The following RAB3GAP2 variants were observed in gnomAD, a reference collection of about 807,000 sequenced individuals.
RAB3GAP2 encodes the protein rab3 GTPase-activating protein non-catalytic subunit.
In RAB3GAP2, 87 loss-of-function variants were observed where a neutral mutation model predicts 185.3. The observed-to-expected ratio is 0.47, with a 90% confidence interval of 0.39 to 0.56. The LOEUF (loss-of-function observed/expected upper bound fraction) is 0.56, where lower values mean the gene tolerates loss of function less well. RAB3GAP2 is among the 20% of genes least tolerant of loss of function. The probability of loss-of-function intolerance (pLI) is 0.00; values close to 1 mark genes in which losing one functional copy is unlikely to be tolerated. For synonymous variants in RAB3GAP2, 554 were observed against 576.1 expected, an observed-to-expected ratio of 0.96 and a Z score of 0.55; for missense variants, 1,492 against 1,638.2, an observed-to-expected ratio of 0.91 and a Z score of 1.54.
chr1:220,171,702 G>A (rs1453565011), intron 23 of RAB3GAP2, among the ~76,000 whole-genome samples, 187 bp downstream of exon 23: 1 of 152,072 alleles, frequency 6.6e-6, no homozygotes, highest in Non-Finnish European at 1.5e-5. Context: ...AAACACAGTA[G>A]GACACTGCCA....
chr1:220,196,117 T>G (rs1170728436), intron 10 of RAB3GAP2, 133 bp downstream of exon 10: 3 of 994,072 alleles, frequency 3.0e-6, no homozygotes, highest in Non-Finnish European at 4.6e-6. Context: ...TTGAGATTAA[T>G]TTTAGTTTCA....
intron 21 of RAB3GAP2, among the ~76,000 whole-genome samples, chr1:220,181,657 T>C (rs1346451982): frequency 1.3e-5 from 2 of 152,200 alleles, no homozygotes; most frequent in Admixed American, 6.5e-5. Flanking sequence ...GACAGTTTTT[T>C]ACTGATGATC....
intron 24 of RAB3GAP2, among the ~76,000 whole-genome samples, chr1:220,170,355 G>T (rs553740104): frequency 1.3e-5 from 2 of 151,820 alleles, no homozygotes; most frequent in East Asian, 1.9e-4. Context: ...ACCATGGCAC[G>T]TGTATACCTA....
intron 1 of RAB3GAP2, chr1:220,266,153 AAG>A (rs1010279475): frequency 1.2e-5 from 2 of 161,798 alleles, no homozygotes; most frequent in Admixed American, 5.8e-5. Context: ...TCAAATATAG[AAG>A]AGAGTGGTAT....
In RAB3GAP2 at chr1:220,195,352, T is replaced by C; in HGVS notation, c.986A>G (p.His329Arg). The C allele has an allele frequency of 6.2e-7, 1 of 1,613,158 alleles. No homozygotes were observed. Among genetic ancestry groups the C allele is most frequent in the Non-Finnish European group, 8.5e-7 (1 of 1,179,176 alleles). The change falls in exon 11 of 35, where the codon CAT becomes CGT. Residue 329 changes from histidine to arginine, a missense_variant. Coordinates refer to ENST00000358951, the MANE Select transcript of RAB3GAP2 (RefSeq NM_012414.4). ...LEGSTQPLLSHVALAVASKLT... is the reference protein window; with the variant it reads ...LEGSTQPLLSRVALAVASKLT... Reference sequence around the variant, plus strand: ...TTTACTTGCAACTGCTAGTGCAACATGGGATAATAATGGTTGTGTGCTTCC... The same window carrying C: ...TTTACTTGCAACTGCTAGTGCAACACGGGATAATAATGGTTGTGTGCTTCC...
chr1:220,267,477 A>C, intron 1 of RAB3GAP2: 1 of 1,405,686 alleles, frequency 7.1e-7, no homozygotes, highest in Non-Finnish European at 1.0e-6. Context: ...TTGCCAAATA[A>C]ACATTACCAA....
intron 7 of RAB3GAP2, among the ~76,000 whole-genome samples, chr1:220,209,750 A>G (rs1659043761): frequency 6.6e-6 from 1 of 152,204 alleles, no homozygotes. Context: ...AGTACAACAA[A>G]GGGAAGGCAT....
chr1:220,267,538 T>C, intron 1 of RAB3GAP2: 1 of 1,357,888 alleles, frequency 7.4e-7, no homozygotes, highest in Non-Finnish European at 1.0e-6. Flanking sequence ...CAAAGCCCAT[T>C]GCCTCTTTTT....
chr1:220,150,206 T>C lies in RAB3GAP2; in HGVS notation c.*1045A>G, dbSNP rs1050730721. On this transcript the variant is annotated 3_prime_UTR_variant, in exon 35 of 35. Coordinates refer to ENST00000358951, the MANE Select transcript of RAB3GAP2 (RefSeq NM_012414.4). ...CCTCCTCCAGCCTCCCGAGTAGCTA[T>C]AGTTTGGTTTTAATCAGTAAATATT... 2 of 150,910 alleles carry C rather than the reference T, an allele frequency of 1.3e-5. No individual in the cohort carries two copies. Among genetic ancestry groups the C allele is most frequent in the Non-Finnish European group, 3.0e-5 (2 of 67,782 alleles). 9.3% of individuals were successfully genotyped at this position (150,910 alleles called of 1,614,324 possible).
intron 1 of RAB3GAP2, among the ~76,000 whole-genome samples, chr1:220,243,315 C>T (rs1659734053): frequency 6.7e-6 from 1 of 148,248 alleles, no homozygotes. Flanking sequence ...GATCGTGCCA[C>T]TGCACTCCAG....
rs147577815 is a variant in RAB3GAP2 at position 220,267,711 on chromosome 1, T to C, written c.115+4512A>G. The C allele has an allele frequency of 1.2e-3, 1,865 of 1,565,856 alleles. 21 individuals carry two copies. The African/African-American group carries it at 0.022, about 19-fold the overall frequency. ...CTTCTGCTTCTGATTCTGAACTGGC[T>C]TGTGACTGGAGACAAGCTTTTGTGC... On this transcript the variant is annotated intron_variant, in intron 1 of 34. Transcript: ENST00000358951.
At chr1:220,179,799 A>T (rs1171587583) in intron 21 of RAB3GAP2, among the ~76,000 whole-genome samples, 1 of 152,240 alleles carries the variant, frequency 6.6e-6, no homozygotes, top group African/African-American at 2.4e-5. Context: ...AATAAAATTT[A>T]AAAATTTCTT....
chr1:220,212,148 T>A lies in RAB3GAP2; in HGVS notation c.386+739A>T, dbSNP rs535856682. ...CTTTACTGGGTCAGCAGGAAACTAA[T>A]GTACCAACTTGCATTTCTTAAGTGT... is the stretch of plus-strand genomic sequence containing the variant. On this transcript the variant is annotated intron_variant, in intron 4 of 34. Transcript: ENST00000358951. Among the ~76,000 whole-genome samples, 7 of 152,356 alleles carry A rather than the reference T, an allele frequency of 4.6e-5. No individual in the cohort carries two copies. The South Asian group carries it at 1.4e-3, about 32-fold the overall frequency.
chr1:220,226,135 A>T (rs1571916015), intron 2 of RAB3GAP2, among the ~76,000 whole-genome samples: 1 of 152,158 alleles, frequency 6.6e-6, no homozygotes, highest in Non-Finnish European at 1.5e-5. Context: ...TTGACCCAGA[A>T]CCTTCCTGTG....
In RAB3GAP2 at chr1:220,150,518, A is replaced by C. The variant is rs1657730679; in HGVS notation, c.*733T>G. 1 of 147,786 alleles carries C rather than the reference A, an allele frequency of 6.8e-6. No individual in the cohort carries two copies. The highest frequency in any genetic ancestry group is 6.9e-5 in the Admixed American group (1 of 14,420). 9.2% of individuals were successfully genotyped at this position (147,786 alleles called of 1,614,324 possible). A position where few individuals can be genotyped will look rare whatever the true frequency, so the allele number is the denominator to read the frequency against. ...ACATTTTTACAGTGACCTGATGTGG[A>C]TACAACTTTGCAACTTGGCAAAAAG... On this transcript the variant is annotated 3_prime_UTR_variant, in exon 35 of 35. Transcript: ENST00000358951.
At chr1:220,179,422 T>C (rs115316326) in intron 21 of RAB3GAP2, among the ~76,000 whole-genome samples, 2 of 152,204 alleles carry the variant, frequency 1.3e-5, no homozygotes, top group African/African-American at 4.8e-5. Flanking sequence ...AATACAGTAA[T>C]AACAGAGGTC....
chr1:220,165,487 T>C (rs1658046587), intron 26 of RAB3GAP2, among the ~76,000 whole-genome samples: 2 of 152,164 alleles, frequency 1.3e-5, no homozygotes, highest in Non-Finnish European at 2.9e-5. Flanking sequence ...CTAAATAATT[T>C]TGTAGCTTGT....
intron 2 of RAB3GAP2, among the ~76,000 whole-genome samples, chr1:220,223,739 G>A (rs1659351710): frequency 6.6e-6 from 1 of 151,702 alleles, no homozygotes; most frequent in East Asian, 1.9e-4. Context: ...ATAAGCAACT[G>A]GCTCAGAGCT....
Position 220,170,903 on chromosome 1 carries a change from T to C in RAB3GAP2, c.2795A>G (p.Glu932Gly). 1.2e-6 allele frequency: 2 copies of C among 1,613,272 alleles called. 1 individual carries two copies. The highest frequency in any genetic ancestry group is 2.2e-5 in the South Asian group (2 of 91,062). Reference sequence around the variant, plus strand: ...AAACTTCAGCTTACCTTTTCCTCCTTCTAATAACTTTTTAACAGAAAGCCT... The same window carrying C: ...AAACTTCAGCTTACCTTTTCCTCCTCCTAATAACTTTTTAACAGAAAGCCT... ...LPRLSVKKLL[E>G]GGKGGIADSV... is the part of the protein sequence containing the mutation. Residue 932 changes from glutamate to glycine, a missense_variant, in exon 24 of 35, where the codon GAA becomes GGA. Around this residue, in one of 5 missense-constraint regions of RAB3GAP2, gnomAD observed 681 missense variants for 689.1 expected, o/e 0.99. Transcript: ENST00000358951.
Sources: allele counts gnomAD v4.1 joint callset (sites outside exome capture counted in the v4.1 genomes callset), GRCh38; gene constraint gnomAD v4.1.1; regional missense constraint gnomAD v4.1.1; transcripts MANE v1.5; gene names NCBI Gene and HGNC (gene_info 2026-07-23, HGNC 2026-07-21).